Variants in ZZEF1 observed in about 807,000 individuals in gnomAD.
The protein encoded by ZZEF1 is zinc finger ZZ-type and EF-hand domain containing 1.
A neutral mutation model predicts 342.8 loss-of-function variants in ZZEF1; 157 were observed. The ratio of observed to expected loss-of-function variants is 0.46; its 90% CI spans 0.40 to 0.52. The LOEUF (loss-of-function observed/expected upper bound fraction) is 0.52, where lower values mean the gene tolerates loss of function less well. ZZEF1 is among the 20% of genes least tolerant of loss of function. The probability of loss-of-function intolerance (pLI) is 0.00; values close to 1 mark genes in which losing one functional copy is unlikely to be tolerated. For missense variants in ZZEF1, 3,480 were observed against 3,725.6 expected, an observed-to-expected ratio of 0.93 and a Z score of 1.72; for synonymous variants, 1,505 against 1,429.1, an observed-to-expected ratio of 1.05 and a Z score of -1.20.
chr17:4,065,421 C>A (rs1252948669), intron 28 of ZZEF1, among the ~76,000 whole-genome samples: 4 of 150,340 alleles, frequency 2.7e-5, no homozygotes, highest in African/African-American at 7.3e-5. Flanking sequence ...AACAAAAAAA[C>A]CAAAAAACGA....
In ZZEF1 at chr17:4,014,354, T is replaced by G; in HGVS notation, c.8307A>C (p.Glu2769Asp). 6.2e-7 allele frequency: 1 copy of G among 1,614,170 alleles called. No individual in the cohort carries two copies. Among genetic ancestry groups the G allele is most frequent in the Non-Finnish European group, 8.5e-7 (1 of 1,180,028 alleles). ...GAGTATTTGTTTCACTACCTGGAAG[T>G]TCAAAATCTTTCCACTTCTGCTGAG... Reference protein sequence around the residue: ...SGSQQKWKDFELPGDTLYYRF... With the variant: ...SGSQQKWKDFDLPGDTLYYRF... Residue 2769 changes from glutamate (E) to aspartate (D), a missense_variant, in exon 50 of 55, where the codon GAA becomes GAC. This residue lies in a region of ZZEF1 where 1,269 missense variants were observed against 1,342.4 expected (regional missense o/e 0.95). Coordinates refer to ENST00000381638, the MANE Select transcript of ZZEF1 (RefSeq NM_015113.4). This position sits in a 1 kb window ranked among gnomAD's most constrained non-coding sequence, Gnocchi z 4.4.
At chr17:4,066,565 A>G (rs762700253) in intron 27 of ZZEF1, 25 bp from the exon 28 acceptor site, 48 of 1,608,690 alleles carry the variant, frequency 3.0e-5, no homozygotes, top group Non-Finnish European at 3.8e-5. Context: ...GAGCCACATC[A>G]TTATGCTGTC....
intron 1 of ZZEF1, among the ~76,000 whole-genome samples, chr17:4,137,666 C>G (rs1373760496): frequency 6.6e-6 from 1 of 152,204 alleles, no homozygotes; most frequent in Non-Finnish European, 1.5e-5. Context: ...TGCCTCATCA[C>G]CATCCACAGC....
Position 4,017,250 on chromosome 17 carries a change from A to G in ZZEF1, c.8001+121T>C. ...GTGACCCTACCTTTGCTGCATTCAC[A>G]CCTGTCAGGGAGCTGCACAGCCACA... On this transcript the variant is annotated intron_variant, in intron 48 of 54. Transcript: ENST00000381638. This position sits in a 1 kb window ranked among gnomAD's most constrained non-coding sequence, Gnocchi z 5.1. 1.4e-6 allele frequency: 2 copies of G among 1,388,112 alleles called. No individual in the cohort carries two copies. Among genetic ancestry groups the G allele is most frequent in the South Asian group, 1.4e-5 (1 of 71,736 alleles). The allele number at this position is 1,388,112 out of a possible 1,614,324, so 86.0% of individuals were successfully genotyped here.
In ZZEF1 at chr17:4,058,225, G is replaced by A; in HGVS notation, c.5004-70C>T. 4 of 1,488,034 alleles carry A rather than the reference G, an allele frequency of 2.7e-6. No individual in the cohort carries two copies. The South Asian group carries it at 5.4e-5, about 20-fold the overall frequency. The allele number at this position is 1,488,034 out of a possible 1,614,324, so 92.2% of individuals were successfully genotyped here. ...AACAGAGGCAACAGAAGCAATTCAA[G>A]TAGGTGACCTGGTTTGCAATTGAAA... On this transcript the variant is annotated intron_variant, in intron 31 of 54. Coordinates refer to ENST00000381638, the MANE Select transcript of ZZEF1 (RefSeq NM_015113.4).
intron 3 of ZZEF1, among the ~76,000 whole-genome samples, chr17:4,116,743 AGCGGAAAG>A (rs2058400301): frequency 6.6e-6 from 1 of 152,224 alleles, no homozygotes; most frequent in Non-Finnish European, 1.5e-5. Flanking sequence ...AATTAGATAA[AGCGGAAAG>A]GCATCCCTCA....
At chr17:4,142,451 T>C in intron 1 of ZZEF1, 91 bp downstream of exon 1, 1 of 1,365,718 alleles carries the variant, frequency 7.3e-7, no homozygotes, top group South Asian at 1.3e-5. Flanking sequence ...GGTCCCCGCC[T>C]GGCCTCTCCA....
Position 4,088,344 on chromosome 17 carries a change from G to A in ZZEF1, c.2241+334C>T, listed in dbSNP as rs953826186. Among the ~76,000 whole-genome samples the A allele has an allele frequency of 2.6e-5, 4 of 152,056 alleles. 1 individual carries two copies. The highest frequency in any genetic ancestry group is 2.6e-4 in the Admixed American group (4 of 15,260). Reference sequence around the variant, plus strand: ...TAGACCTCAGTTATAATTCTTCTAGGACTTAAAGAAGATGCAAATCCCATG... The same window carrying A: ...TAGACCTCAGTTATAATTCTTCTAGAACTTAAAGAAGATGCAAATCCCATG... On this transcript the variant is annotated intron_variant, in intron 13 of 54. Transcript: ENST00000381638.
In ZZEF1 at chr17:4,016,891, C is replaced by T. The variant is rs771047604; in HGVS notation, c.8002-425G>A. The T allele has an allele frequency of 1.0e-5, 2 of 191,204 alleles. No homozygotes were observed. The highest frequency in any genetic ancestry group is 2.3e-5 in the African/African-American group (1 of 42,732). The allele number at this position is 191,204 out of a possible 1,614,324, so 11.8% of individuals were successfully genotyped here. A position where few individuals can be genotyped will look rare whatever the true frequency, so the allele number is the denominator to read the frequency against. On this transcript the variant is annotated intron_variant, in intron 48 of 54. Coordinates refer to ENST00000381638, the MANE Select transcript of ZZEF1 (RefSeq NM_015113.4). The surrounding 1 kb of genome is among the most constrained non-coding windows in gnomAD (Gnocchi z 4.4). The stretch of plus-strand genomic sequence containing the variant: ...CGCCTATGCAAGGGCCTAGTAGAGG[C>T]AGGGTGGCTCCCTCTGTCCCTTCCG...
Position 4,022,082 on chromosome 17 carries a change from T to A in ZZEF1, c.7212+627A>T, listed in dbSNP as rs150744554. ...CACATTTTCCTTAAACCTAACCAAA[T>A]CCTCTTCTGGCAATTGAGAGCTGTT... On this transcript the variant is annotated intron_variant, in intron 44 of 54. Transcript: ENST00000381638. Among the ~76,000 whole-genome samples the A allele has an allele frequency of 3.0e-3, 450 of 152,276 alleles. 1 individual carries two copies. The highest frequency in any genetic ancestry group is 7.0e-3 in the Admixed American group (107 of 15,298).
intron 32 of ZZEF1, chr17:4,056,878 C>T (rs2057172675): frequency 6.6e-6 from 1 of 151,690 alleles, no homozygotes; most frequent in Non-Finnish European, 1.5e-5. Flanking sequence ...GCCACAGTTT[C>T]CTCATTTCAA....
At chr17:4,024,026 A>ACTGAGCTCCTCCTTTCATGGATATCCT (rs1293662889) in intron 43 of ZZEF1, among the ~76,000 whole-genome samples, 1 of 152,046 alleles carries the variant, frequency 6.6e-6, no homozygotes, top group Non-Finnish European at 1.5e-5. Flanking sequence ...ACAGCCTTCA[A>ACTGAGCTCCTCCTTTCATGGATATCCT]CTGAGCTCCT....
chr17:4,133,905 A>G (rs144917488), intron 1 of ZZEF1, among the ~76,000 whole-genome samples: 14 of 152,014 alleles, frequency 9.2e-5, no homozygotes, highest in Non-Finnish European at 2.1e-4. Context: ...AAGTCTCACT[A>G]TGTTACCCAG....
rs117320936 is a variant in ZZEF1, at chr17:4,139,053, C to T, written c.354+3489G>A. ...TGAAAGCAAGACAGCTGCGTGGACA[C>T]CAATGGCAGCTAAGTTAGGAAGCCA... On this transcript the variant is annotated intron_variant, in intron 1 of 54. Transcript: ENST00000381638. Among the ~76,000 whole-genome samples the T allele has an allele frequency of 1.1e-4, 15 of 141,606 alleles. 1 individual carries two copies. The highest frequency in any genetic ancestry group is 2.0e-4 in the Non-Finnish European group (13 of 65,262). The allele number at this position is 141,606 out of a possible 152,430, so 92.9% of individuals were successfully genotyped here. A position where few individuals can be genotyped will look rare whatever the true frequency, so the allele number is the denominator to read the frequency against.
intron 34 of ZZEF1, 124 bp downstream of exon 34, chr17:4,053,933 C>T: frequency 9.0e-7 from 1 of 1,112,006 alleles, no homozygotes. Context: ...GCCAAGAAGT[C>T]AGAGAAAATA....
chr17:4,072,809 G>A, intron 24 of ZZEF1, 53 bp from the exon 25 acceptor site: 1 of 1,490,916 alleles, frequency 6.7e-7, no homozygotes, highest in East Asian at 2.3e-5. Flanking sequence ...AATATATTGA[G>A]AATCTTTGAA....
chr17:4,087,073 G>C (rs2057845752), intron 14 of ZZEF1, among the ~76,000 whole-genome samples: 1 of 152,012 alleles, frequency 6.6e-6, no homozygotes. Flanking sequence ...GTAGAGACGG[G>C]GTTTCACCAT....
chr17:4,132,356 G>C (rs182859622), intron 1 of ZZEF1, among the ~76,000 whole-genome samples: 2 of 152,036 alleles, frequency 1.3e-5, no homozygotes, highest in Admixed American at 6.5e-5. Flanking sequence ...GCTAATTTTT[G>C]TATTTTTCCT....
At chr17:4,127,228 T>C (rs1410423431) in intron 1 of ZZEF1, among the ~76,000 whole-genome samples, 2 of 152,052 alleles carry the variant, frequency 1.3e-5, no homozygotes, top group Non-Finnish European at 2.9e-5. Context: ...GGTCTCAAAC[T>C]TCTGCCTTCA....
Sources: gnomAD v4.1 joint callset for allele counts (sites outside exome capture counted in the v4.1 genomes callset) on GRCh38, gnomAD v4.1.1 for gene constraint, gnomAD v4.1.1 regional missense constraint, Gnocchi (gnomAD v3.1) non-coding constraint, MANE v1.5 for transcripts, NCBI Gene and HGNC (gene_info 2026-07-23, HGNC 2026-07-21) for gene names.